Variants in CDH13 observed in about 807,000 individuals in gnomAD.
CDH13 encodes the protein cadherin 13, also known as cadherin-13.
CDH13 carries 24 observed loss-of-function variants against 63.8 expected under a neutral mutation model. That is an observed-to-expected ratio of 0.38 (90% confidence interval 0.27 to 0.53). CDH13 has a LOEUF of 0.53. Among genes scored for constraint, CDH13 ranks in the 20% least tolerant of loss-of-function variants. The pLI is 0.85. For synonymous variants in CDH13, 503 were observed against 355.3 expected, an observed-to-expected ratio of 1.42 and a Z score of -4.67; for missense variants, 1,049 against 903.1, an observed-to-expected ratio of 1.16 and a Z score of -2.07.
intron 2 of CDH13, among the ~76,000 whole-genome samples, chr16:83,015,363 A>C (rs1363575187): frequency 6.6e-6 from 1 of 151,884 alleles, no homozygotes; most frequent in Middle Eastern, 3.2e-3. Flanking sequence ...TAGAATGACC[A>C]AATCTCCACC....
At position 83,467,461 on chromosome 16, in the gene CDH13, C is replaced by G. The variant is rs115468722; in HGVS notation, c.782-19016C>G. Among the ~76,000 whole-genome samples, 526 of 152,246 alleles carry G rather than the reference C, an allele frequency of 3.5e-3. 2 individuals carry two copies. The highest frequency in any genetic ancestry group is 0.012 in the African/African-American group (495 of 41,546). The stretch of plus-strand genomic sequence containing the variant: ...ACATAGATGCCTGGAGTGCAGACAT[C>G]TTGAGATTTAGGAGCTGGCGCCTTA... On this transcript the variant is annotated intron_variant, in intron 6 of 13. Transcript: ENST00000567109.
Position 82,681,620 on chromosome 16 carries a change from G to A in CDH13, c.45+54483G>A, listed in dbSNP as rs558469435. Among the ~76,000 whole-genome samples the A allele has an allele frequency of 2.0e-5, 3 of 152,288 alleles. No individual in the cohort carries two copies. In the South Asian group the frequency reaches 6.2e-4, roughly 32 times the overall value. On this transcript the variant is annotated intron_variant, in intron 1 of 13. Transcript: ENST00000567109. ...CTGACACTTTCTTGCTTAACCTGGC[G>A]GGAGTGGTAGCGGATGCTCCTGGTG...
At chr16:83,535,393 G>A (rs1310100121) in intron 7 of CDH13, among the ~76,000 whole-genome samples, 1 of 152,222 alleles carries the variant, frequency 6.6e-6, no homozygotes, top group African/African-American at 2.4e-5. Flanking sequence ...CATTGTAGAT[G>A]GGCAAAGTAG....
chr16:83,174,223 A>T (rs943439724), intron 4 of CDH13, among the ~76,000 whole-genome samples: 4 of 152,090 alleles, frequency 2.6e-5, no homozygotes, highest in Non-Finnish European at 2.9e-5. Flanking sequence ...AATCAATTGA[A>T]CATATCTTGA....
intron 5 of CDH13, among the ~76,000 whole-genome samples, chr16:83,323,715 A>G (rs1223819093): frequency 6.6e-6 from 1 of 152,222 alleles, no homozygotes; most frequent in African/African-American, 2.4e-5. Context: ...CCACTATTCC[A>G]TACAAAAAGT....
intron 2 of CDH13, among the ~76,000 whole-genome samples, chr16:83,030,759 C>A (rs993314545): frequency 6.7e-6 from 1 of 150,268 alleles, no homozygotes; most frequent in Non-Finnish European, 1.5e-5. Flanking sequence ...CTCCACACAA[C>A]AAATCGTCCA....
chr16:82,803,403 A>G (rs1042994005), intron 1 of CDH13, among the ~76,000 whole-genome samples: 3 of 152,228 alleles, frequency 2.0e-5, no homozygotes, highest in Non-Finnish European at 2.9e-5. Flanking sequence ...TGACTTTCTT[A>G]GCATGCGAGG....
intron 6 of CDH13, among the ~76,000 whole-genome samples, chr16:83,361,247 G>C (rs113945101): frequency 6.6e-6 from 1 of 152,152 alleles, no homozygotes; most frequent in Non-Finnish European, 1.5e-5. Flanking sequence ...AGAAGTGTCT[G>C]TTCATGCCTT....
intron 6 of CDH13, among the ~76,000 whole-genome samples, chr16:83,348,654 A>C (rs1325939187): frequency 1.3e-5 from 2 of 152,216 alleles, no homozygotes; most frequent in African/African-American, 4.8e-5. Flanking sequence ...TGCTCACAGC[A>C]TTGTAGCCTA....
chr16:83,529,456 G>A (rs1308931455), intron 7 of CDH13, among the ~76,000 whole-genome samples: 3 of 152,094 alleles, frequency 2.0e-5, no homozygotes, highest in Non-Finnish European at 4.4e-5. Flanking sequence ...ACACTACACT[G>A]TACTACATCC....
At chr16:82,957,512 A>C (rs1906294693) in intron 2 of CDH13, among the ~76,000 whole-genome samples, 1 of 152,252 alleles carries the variant, frequency 6.6e-6, no homozygotes, top group South Asian at 2.1e-4. Flanking sequence ...CAAATGATAA[A>C]ATTTAGAGAA....
intron 5 of CDH13, among the ~76,000 whole-genome samples, chr16:83,272,587 C>T (rs75779950): frequency 6.6e-6 from 1 of 152,060 alleles, no homozygotes; most frequent in Admixed American, 6.5e-5. Context: ...AAATTTTTTC[C>T]ACTCCTTACT....
intron 6 of CDH13, among the ~76,000 whole-genome samples, chr16:83,360,953 A>C (rs1359431447): frequency 1.3e-5 from 2 of 152,138 alleles, no homozygotes. Context: ...AATTTATTTT[A>C]TTTTGGATAT....
At chr16:82,640,214 G>A (rs192929242) in intron 1 of CDH13, among the ~76,000 whole-genome samples, 17 of 152,326 alleles carry the variant, frequency 1.1e-4, no homozygotes, top group African/African-American at 4.1e-4. Context: ...TGGGACAGAG[G>A]ATTCTTTGTT....
chr16:83,183,271 A>G (rs2038406771), intron 4 of CDH13, among the ~76,000 whole-genome samples: 1 of 152,258 alleles, frequency 6.6e-6, no homozygotes, highest in Non-Finnish European at 1.5e-5. Context: ...CAAACATAAT[A>G]GCTTTTGGCT....
chr16:83,486,133 A>G (rs1405736408), intron 6 of CDH13, among the ~76,000 whole-genome samples: 1 of 151,714 alleles, frequency 6.6e-6, no homozygotes, highest in African/African-American at 2.4e-5. Flanking sequence ...ACAGAGCGAG[A>G]CTCTGTCTAA....
At chr16:82,658,188 A>G (rs982033217) in intron 1 of CDH13, among the ~76,000 whole-genome samples, 1 of 152,220 alleles carries the variant, frequency 6.6e-6, no homozygotes, top group Non-Finnish European at 1.5e-5. Context: ...ATATGTGCAT[A>G]TGAGCCTCCT....
chr16:82,926,048 A>G (rs956523789), intron 2 of CDH13: 4 of 152,210 alleles, frequency 2.6e-5, no homozygotes, highest in African/African-American at 9.6e-5. Flanking sequence ...AAAAAAATAA[A>G]AATAAAAAAG....
chr16:82,710,945 C>T (rs1184763349), intron 1 of CDH13, among the ~76,000 whole-genome samples: 3 of 148,996 alleles, frequency 2.0e-5, no homozygotes, highest in Admixed American at 6.7e-5. Context: ...TTTTTTTTTA[C>T]CCCAACATTA....
Sources: allele counts gnomAD v4.1 joint callset (sites outside exome capture counted in the v4.1 genomes callset), GRCh38; gene constraint gnomAD v4.1.1; transcripts MANE v1.5; gene names NCBI Gene and HGNC (gene_info 2026-07-23, HGNC 2026-07-21).